Variants in PBX3 observed in about 807,000 individuals in gnomAD.
The protein encoded by PBX3 is pre-B-cell leukemia transcription factor 3.
PBX3 carries 14 observed loss-of-function variants against 48.5 expected under a neutral mutation model. That is an observed-to-expected ratio of 0.29 (90% CI 0.19 to 0.45). The LOEUF (loss-of-function observed/expected upper bound fraction) is 0.45. Ranked by LOEUF, PBX3 falls within the 20% of genes least tolerant of loss-of-function variation. PBX3 has a pLI of 1.00. For synonymous variants in PBX3, 210 were observed against 200.3 expected (o/e 1.05, Z -0.41); for missense variants, 386 against 546.7 (o/e 0.71, Z 2.93).
At chr9:125,811,338 G>A (rs1838283858) in intron 2 of PBX3, among the ~76,000 whole-genome samples, 1 of 152,138 alleles carries the variant, frequency 6.6e-6, no homozygotes, top group South Asian at 2.1e-4. Context: ...ATATGGTTTG[G>A]CTCTGTGTCC....
intron 2 of PBX3, among the ~76,000 whole-genome samples, chr9:125,775,368 A>G (rs1490104293): frequency 6.6e-6 from 1 of 152,046 alleles, no homozygotes; most frequent in Non-Finnish European, 1.5e-5. Flanking sequence ...AAAAACTTTT[A>G]TGGTTTTAGG....
chr9:125,783,513 C>G (rs1226117058), intron 2 of PBX3, among the ~76,000 whole-genome samples: 1 of 152,070 alleles, frequency 6.6e-6, no homozygotes, highest in Non-Finnish European at 1.5e-5. Context: ...GTTTCGAACT[C>G]CTGACCTCAA....
At chr9:125,753,553 C>T (rs939852590) in intron 2 of PBX3, among the ~76,000 whole-genome samples, 16 of 151,802 alleles carry the variant, frequency 1.1e-4, no homozygotes, top group African/African-American at 3.6e-4. Context: ...TTTTTTTCTT[C>T]CCAATAAAAA....
intron 2 of PBX3, among the ~76,000 whole-genome samples, chr9:125,750,230 A>T (rs895654313): frequency 2.0e-5 from 3 of 152,198 alleles, no homozygotes; most frequent in African/African-American, 7.2e-5. Context: ...GAATATTAAG[A>T]TTGATTCGAC....
chr9:125,799,011 G>A (rs1223429483), intron 2 of PBX3, among the ~76,000 whole-genome samples: 1 of 151,950 alleles, frequency 6.6e-6, no homozygotes, highest in Admixed American at 6.6e-5. Flanking sequence ...ATATGTAATT[G>A]GGTATATATA....
intron 2 of PBX3, among the ~76,000 whole-genome samples, chr9:125,889,188 G>T (rs1446039786): frequency 6.6e-6 from 1 of 152,188 alleles, no homozygotes; most frequent in Non-Finnish European, 1.5e-5. Flanking sequence ...GTGTGGGTTC[G>T]CCCACATCCC....
intron 2 of PBX3, among the ~76,000 whole-genome samples, chr9:125,769,006 C>CA (rs1233489633): frequency 2.6e-5 from 4 of 152,108 alleles, no homozygotes; most frequent in Admixed American, 1.3e-4. Flanking sequence ...TTGCAACTCA[C>CA]AGTTATGCAA....
chr9:125,787,945 T>C (rs73667059), intron 2 of PBX3, among the ~76,000 whole-genome samples: 3,367 of 152,278 alleles, frequency 0.022, 144 homozygotes, highest in African/African-American at 0.076. Context: ...TTTATTTATT[T>C]TTTAAGGAGG....
chr9:125,924,993 A>G (rs749087446), intron 3 of PBX3, among the ~76,000 whole-genome samples: 2 of 152,214 alleles, frequency 1.3e-5, no homozygotes, highest in Non-Finnish European at 1.5e-5. Flanking sequence ...TTACTTAACC[A>G]TAAAAGTGCT....
chr9:125,922,079 C>G (rs1430712017), intron 3 of PBX3, among the ~76,000 whole-genome samples: 2 of 151,968 alleles, frequency 1.3e-5, no homozygotes, highest in Non-Finnish European at 2.9e-5. Flanking sequence ...TGAAAAAAGC[C>G]CCACCACAAA....
chr9:125,831,250 C>G (rs921828204), intron 2 of PBX3, among the ~76,000 whole-genome samples: 3 of 152,148 alleles, frequency 2.0e-5, no homozygotes, highest in Non-Finnish European at 2.9e-5. Context: ...TTTTGCAATG[C>G]TAAGACTGAT....
At chr9:125,829,210 C>G (rs1331753114) in intron 2 of PBX3, among the ~76,000 whole-genome samples, 1 of 152,190 alleles carries the variant, frequency 6.6e-6, no homozygotes, top group African/African-American at 2.4e-5. Flanking sequence ...GTATACATCT[C>G]TCTGTATTTC....
intron 2 of PBX3, among the ~76,000 whole-genome samples, chr9:125,862,731 A>G (rs1351603629): frequency 5.9e-5 from 9 of 152,158 alleles, no homozygotes; most frequent in Admixed American, 2.0e-4. Flanking sequence ...AACATTCTTG[A>G]TTACACAAAG....
At chr9:125,793,588 C>T (rs1204755783) in intron 2 of PBX3, among the ~76,000 whole-genome samples, 1 of 151,446 alleles carries the variant, frequency 6.6e-6, no homozygotes, top group Non-Finnish European at 1.5e-5. Flanking sequence ...GGCCACCACA[C>T]GCAGCTAATT....
chr9:125,954,784 G>A (rs555267727), intron 5 of PBX3, among the ~76,000 whole-genome samples: 1 of 152,240 alleles, frequency 6.6e-6, no homozygotes, highest in South Asian at 2.1e-4. Context: ...TGATCCGCCC[G>A]CCTCGGCCTC....
At chr9:125,941,335 C>G (rs559531078) in intron 5 of PBX3, among the ~76,000 whole-genome samples, 14 of 152,282 alleles carry the variant, frequency 9.2e-5, no homozygotes, top group African/African-American at 3.1e-4. Flanking sequence ...GTTCATGGGC[C>G]TTCTAGGCCA....
At chr9:125,808,088 C>A (rs1245952209) in intron 2 of PBX3, among the ~76,000 whole-genome samples, 4 of 152,132 alleles carry the variant, frequency 2.6e-5, no homozygotes, top group Non-Finnish European at 5.9e-5. Flanking sequence ...CTTTCTAGAC[C>A]TTCAAGACAA....
intron 2 of PBX3, among the ~76,000 whole-genome samples, chr9:125,882,414 G>C (rs1309233300): frequency 6.6e-6 from 1 of 152,194 alleles, no homozygotes; most frequent in East Asian, 1.9e-4. Flanking sequence ...GACGGCAGTA[G>C]ACGTTAAATA....
At chr9:125,915,595 G>C (rs1841309808) in intron 2 of PBX3, 91 bp from the exon 3 acceptor site, 1 of 934,776 alleles carries the variant, frequency 1.1e-6, no homozygotes, top group African/African-American at 1.7e-5. Context: ...GATGTTGTTT[G>C]ATCATTTTCT....
Sources: gnomAD v4.1 joint callset for allele counts (sites outside exome capture counted in the v4.1 genomes callset) on GRCh38, gnomAD v4.1.1 for gene constraint, MANE v1.5 for transcripts, NCBI Gene and HGNC (gene_info 2026-07-23, HGNC 2026-07-21) for gene names.